The following ANKRD27 variants were observed in gnomAD, a reference collection of about 807,000 sequenced individuals.
ANKRD27 encodes the protein ankyrin repeat domain 27.
ANKRD27 carries 112 observed loss-of-function variants against 129.7 expected under a neutral mutation model. That is an observed-to-expected ratio of 0.86 (90% CI 0.74 to 1.01). The LOEUF is 1.01. Ranked by LOEUF, ANKRD27 falls within the 50% of genes least tolerant of loss-of-function variation. ANKRD27 has a pLI of 0.00. For missense variants in ANKRD27, 1,258 were observed against 1,300.5 expected, an observed-to-expected ratio of 0.97 and a Z score of 0.50; for synonymous variants, 516 against 511.2, an observed-to-expected ratio of 1.01 and a Z score of -0.13.
At chr19:32,672,197 A>G (rs259283) in intron 1 of ANKRD27, among the ~76,000 whole-genome samples, 109,554 of 152,178 alleles carry the variant, frequency 0.72, 39,695 homozygotes, top group Non-Finnish European at 0.76. Context: ...CCCAACAGAT[A>G]AGCAGTATTC....
intron 23 of ANKRD27, among the ~76,000 whole-genome samples, chr19:32,606,343 G>A (rs1245042580): frequency 2.0e-5 from 3 of 151,918 alleles, no homozygotes; most frequent in Non-Finnish European, 4.4e-5. Flanking sequence ...CAGTAGAGAC[G>A]GGGTTTCACC....
intron 28 of ANKRD27, 101 bp downstream of exon 28, chr19:32,599,603 A>G: frequency 9.5e-7 from 1 of 1,054,130 alleles, no homozygotes; most frequent in Non-Finnish European, 1.4e-6. Context: ...GGCGCACGGA[A>G]TAATGAAGAT....
intron 22 of ANKRD27, among the ~76,000 whole-genome samples, chr19:32,614,941 G>A (rs1971891808): frequency 6.6e-6 from 1 of 152,210 alleles, no homozygotes; most frequent in South Asian, 2.1e-4. Context: ...AAAGCTGGGA[G>A]AGGGTTTGGG....
chr19:32,630,061 C>G (rs1044886051), intron 13 of ANKRD27, among the ~76,000 whole-genome samples: 3 of 152,028 alleles, frequency 2.0e-5, no homozygotes, highest in Admixed American at 2.0e-4. Context: ...CACCACCATG[C>G]CCAGCTTCAT....
Position 32,631,270 on chromosome 19 carries a change from C to T in ANKRD27, c.1209+132G>A, listed in dbSNP as rs1414991913. 3.7e-5 allele frequency: 29 copies of T among 774,428 alleles called. No homozygotes were observed. In the Admixed American group the frequency reaches 4.4e-4, roughly 12 times the overall value. 48.0% of individuals were successfully genotyped at this position (774,428 alleles called of 1,614,324 possible). A position where few individuals can be genotyped will look rare whatever the true frequency, so the allele number is the denominator to read the frequency against. On this transcript the variant is annotated intron_variant, in intron 13 of 28. Coordinates refer to ENST00000306065, the MANE Select transcript of ANKRD27 (RefSeq NM_032139.3). ...CCTGGCCTCAGGTTATCACCCACCT[C>T]GGCCTCCCAAAGTGCTGTGATTATA...
chr19:32,637,055 C>T (rs1967104549), intron 12 of ANKRD27, among the ~76,000 whole-genome samples: 1 of 151,960 alleles, frequency 6.6e-6, no homozygotes, highest in Non-Finnish European at 1.5e-5. Context: ...GCCCAGCACA[C>T]AATATAATTT....
intron 1 of ANKRD27, among the ~76,000 whole-genome samples, chr19:32,674,171 GA>G (rs1967931762): frequency 6.6e-6 from 1 of 151,904 alleles, no homozygotes; most frequent in Admixed American, 6.6e-5. Context: ...AGAAAAAAAC[GA>G]AAAGAAAGAA....
At chr19:32,598,417 C>CT (rs775688641) in intron 28 of ANKRD27, 39 bp from the exon 29 acceptor site, 2 of 1,598,486 alleles carry the variant, frequency 1.3e-6, no homozygotes, top group Admixed American at 1.7e-5. Context: ...GACGTCCTCA[C>CT]TGTACTGGAA....
At chr19:32,633,468 G>A (rs918555528) in intron 12 of ANKRD27, among the ~76,000 whole-genome samples, 11 of 151,334 alleles carry the variant, frequency 7.3e-5, no homozygotes, top group Non-Finnish European at 1.3e-4. Flanking sequence ...AAGTAGCTGG[G>A]ACTAAAGGTG....
chr19:32,613,680 T>G (rs1276675274), intron 22 of ANKRD27, among the ~76,000 whole-genome samples: 1 of 151,810 alleles, frequency 6.6e-6, no homozygotes, highest in African/African-American at 2.4e-5. Flanking sequence ...CCAAAAGGAT[T>G]GTATACTGTG....
At chr19:32,647,966 A>G (rs1388142725) in intron 3 of ANKRD27, among the ~76,000 whole-genome samples, 1 of 152,200 alleles carries the variant, frequency 6.6e-6, no homozygotes, top group East Asian at 1.9e-4. Context: ...TTCTGTTGCA[A>G]CATTTAAAAA....
intron 13 of ANKRD27, among the ~76,000 whole-genome samples, chr19:32,630,639 A>C (rs551073573): frequency 6.6e-6 from 1 of 152,148 alleles, no homozygotes; most frequent in South Asian, 2.1e-4. Context: ...ACGCTGGGGG[A>C]GGTGGGGAAA....
chr19:32,605,554 AG>A (rs1971719189), intron 24 of ANKRD27, among the ~76,000 whole-genome samples: 1 of 152,226 alleles, frequency 6.6e-6, no homozygotes, highest in Non-Finnish European at 1.5e-5. Flanking sequence ...GCCCATGCTC[AG>A]GTAACAGCGT....
At chr19:32,610,679 C>G (rs1971822588) in intron 22 of ANKRD27, among the ~76,000 whole-genome samples, 1 of 152,118 alleles carries the variant, frequency 6.6e-6, no homozygotes, top group Non-Finnish European at 1.5e-5. Context: ...GTAGTCCCAG[C>G]TACTCGGGAG....
intron 1 of ANKRD27, among the ~76,000 whole-genome samples, chr19:32,669,839 A>C (rs868518682): frequency 2.0e-5 from 3 of 152,082 alleles, no homozygotes; most frequent in Admixed American, 1.3e-4. Context: ...TCTGCTAAAA[A>C]TACAAAAATT....
At chr19:32,668,199 C>A (rs542549331) in intron 1 of ANKRD27, among the ~76,000 whole-genome samples, 1 of 152,298 alleles carries the variant, frequency 6.6e-6, no homozygotes, top group Non-Finnish European at 1.5e-5. Context: ...ACTGACCAGG[C>A]TGGAGTACAG....
At chr19:32,626,412 G>A (rs534944064) in intron 16 of ANKRD27, among the ~76,000 whole-genome samples, 7 of 152,264 alleles carry the variant, frequency 4.6e-5, no homozygotes, top group African/African-American at 7.2e-5. Context: ...GGGCTCAAGC[G>A]ATCCTCCTGC....
At chr19:32,651,498 T>C (rs1361881313) in intron 2 of ANKRD27, among the ~76,000 whole-genome samples, 8 of 152,138 alleles carry the variant, frequency 5.3e-5, no homozygotes, top group Non-Finnish European at 1.2e-4. Flanking sequence ...GTCTCCCAAG[T>C]AGCTGGGACT....
intron 1 of ANKRD27, among the ~76,000 whole-genome samples, chr19:32,671,553 G>T (rs1313193756): frequency 3.3e-5 from 5 of 151,940 alleles, no homozygotes; most frequent in Non-Finnish European, 5.9e-5. Context: ...CAATTAGCTG[G>T]TTGTGGTGGC....
Sources: allele counts gnomAD v4.1 joint callset (sites outside exome capture counted in the v4.1 genomes callset), GRCh38; gene constraint gnomAD v4.1.1; transcripts MANE v1.5; gene names NCBI Gene and HGNC (gene_info 2026-07-23, HGNC 2026-07-21).